Variants in MLF2 observed in about 807,000 individuals in gnomAD.
The protein encoded by MLF2 is myeloid leukemia factor 2.
In MLF2, 12 loss-of-function variants were observed where a neutral mutation model predicts 31.4. The ratio of observed to expected loss-of-function variants is 0.38; its 90% CI spans 0.24 to 0.62. MLF2 has a LOEUF of 0.62. MLF2 is among the 20% of genes least tolerant of loss of function. MLF2 has a pLI of 0.58. For synonymous variants in MLF2, 109 were observed against 118.8 expected, an observed-to-expected ratio of 0.92 and a Z score of 0.54; for missense variants, 272 against 359.7, an observed-to-expected ratio of 0.76 and a Z score of 1.97.
chr12:6,749,063 G>C lies in MLF2; in HGVS notation c.560-81C>G, dbSNP rs1179654322. Reference sequence around the variant, plus strand: ...ATGTGCGAGCGAGCCACAGCTTTTCGGGCCAAAGCGGCGAAGGCTGAGTGT... The same window carrying C: ...ATGTGCGAGCGAGCCACAGCTTTTCCGGCCAAAGCGGCGAAGGCTGAGTGT... On this transcript the variant is annotated intron_variant, in intron 7 of 8. Coordinates refer to ENST00000203630, the MANE Select transcript of MLF2 (RefSeq NM_001382226.1). The surrounding 1 kb of genome is among the most constrained non-coding windows in gnomAD (Gnocchi z 5.3). The C allele has an allele frequency of 1.4e-6, 2 of 1,405,986 alleles. No homozygotes were observed. The highest frequency in any genetic ancestry group is 9.4e-7 in the Non-Finnish European group (1 of 1,063,400). 87.1% of individuals were successfully genotyped at this position (1,405,986 alleles called of 1,614,324 possible). A position where few individuals can be genotyped will look rare whatever the true frequency, so the allele number is the denominator to read the frequency against.
In MLF2 at chr12:6,748,017, T is replaced by C. The variant is rs1008303043; in HGVS notation, c.*556A>G. 1 of 152,272 alleles carries C rather than the reference T, an allele frequency of 6.6e-6. No homozygotes were observed. The highest frequency in any genetic ancestry group is 1.5e-5 in the Non-Finnish European group (1 of 68,068). The allele number at this position is 152,272 out of a possible 1,614,324, so 9.4% of individuals were successfully genotyped here. A position where few individuals can be genotyped will look rare whatever the true frequency, so the allele number is the denominator to read the frequency against. On this transcript the variant is annotated 3_prime_UTR_variant, in exon 9 of 9. Transcript: ENST00000203630. This position sits in a 1 kb window ranked among gnomAD's most constrained non-coding sequence, Gnocchi z 4.6. ...TTGGTCTTTTTTCCATTCTCCTTTATTCCATAAACACCTAGTTACAAGTTG... is the reference window on the plus strand; with the variant it reads ...TTGGTCTTTTTTCCATTCTCCTTTACTCCATAAACACCTAGTTACAAGTTG...
In MLF2 at chr12:6,752,115, C is replaced by T. The variant is rs1345570319; in HGVS notation, c.51-61G>A. 2 of 1,606,756 alleles carry T rather than the reference C, an allele frequency of 1.2e-6. No homozygotes were observed. The highest frequency in any genetic ancestry group is 1.7e-6 in the Non-Finnish European group (2 of 1,175,352). ...GCCAAACTGTCAATCCCTCCACCACCCTGCAAAAAAATACGCACAGAGCAA... is the reference window on the plus strand; with the variant it reads ...GCCAAACTGTCAATCCCTCCACCACTCTGCAAAAAAATACGCACAGAGCAA... On this transcript the variant is annotated intron_variant, in intron 2 of 8. Transcript: ENST00000203630. This position sits in a 1 kb window ranked among gnomAD's most constrained non-coding sequence, Gnocchi z 4.6.
chr12:6,750,082 A>AAG lies in MLF2; in HGVS notation c.400-76_400-75insCT. On this transcript the variant is annotated intron_variant, in intron 6 of 8. Transcript: ENST00000203630. This position sits in a 1 kb window ranked among gnomAD's most constrained non-coding sequence, Gnocchi z 5.3. ...GCCTATACCATCTCAGGATAAACACACCACACACAACCCAATCCGGAAAAA... is the reference window on the plus strand; with the variant it reads ...GCCTATACCATCTCAGGATAAACACAAGCCACACACAACCCAATCCGGAAAAA... The AAG allele has an allele frequency of 1.2e-6, 2 of 1,611,454 alleles. No homozygotes were observed. The highest frequency in any genetic ancestry group is 3.3e-5 in the Admixed American group (2 of 59,938).
intron 4 of MLF2, 25 bp downstream of exon 4, chr12:6,751,616 A>C (rs374751074): frequency 6.8e-6 from 11 of 1,609,808 alleles, no homozygotes; most frequent in Non-Finnish European, 9.4e-6. Context: ...CTGAGATGGA[A>C]GGACACAGGG....
Position 6,752,386 on chromosome 12 carries a change from T to A in MLF2, c.-28-24A>T. 2 of 1,543,404 alleles carry A rather than the reference T, an allele frequency of 1.3e-6. No homozygotes were observed. The highest frequency in any genetic ancestry group is 1.8e-6 in the Non-Finnish European group (2 of 1,139,880). On this transcript the variant is annotated intron_variant, in intron 1 of 8. Transcript: ENST00000203630. The surrounding 1 kb of genome is among the most constrained non-coding windows in gnomAD (Gnocchi z 4.6). ...CACTGGAAAGATATGGAAGCTCAGA[T>A]ACTTGGAGGTGGCCAGGGTTTTGCA...
At position 6,749,723 on chromosome 12, in the gene MLF2, C is replaced by CAA. The variant is rs750197073; in HGVS notation, c.559+123_559+124dup. 0.018 allele frequency: 19,139 copies of CAA among 1,070,108 alleles called. 118 individuals carry two copies. The highest frequency in any genetic ancestry group is 0.072 in the African/African-American group (3,792 of 52,574). The allele number at this position is 1,070,108 out of a possible 1,614,324, so 66.3% of individuals were successfully genotyped here. A position where few individuals can be genotyped will look rare whatever the true frequency, so the allele number is the denominator to read the frequency against. On this transcript the variant is annotated intron_variant, in intron 7 of 8. Coordinates refer to ENST00000203630, the MANE Select transcript of MLF2 (RefSeq NM_001382226.1). The surrounding 1 kb of genome is among the most constrained non-coding windows in gnomAD (Gnocchi z 5.3). ...GGGCAACAAGAGCGAGACTCCATCT[C>CAA]AAAAAAAAAAAAAAAGGAATATGGG...
chr12:6,751,802 AC>A, intron 3 of MLF2, 122 bp downstream of exon 3: 1 of 1,567,428 alleles, frequency 6.4e-7, no homozygotes, highest in Non-Finnish European at 8.8e-7. Flanking sequence ...CTTTTTCCTG[AC>A]CCTTTCCCCA....
In MLF2 at chr12:6,750,930, A is replaced by G. The variant is rs2137781901; in HGVS notation, c.217-164T>C. Reference sequence around the variant, plus strand: ...TTCTGTTAAAATAACCAGAATACTCATATTTCTCCTCCTGTGAACTGCTGA... The same window carrying G: ...TTCTGTTAAAATAACCAGAATACTCGTATTTCTCCTCCTGTGAACTGCTGA... On this transcript the variant is annotated intron_variant, in intron 4 of 8. Coordinates refer to ENST00000203630, the MANE Select transcript of MLF2 (RefSeq NM_001382226.1). This position sits in a 1 kb window ranked among gnomAD's most constrained non-coding sequence, Gnocchi z 5.3. 1.5e-6 allele frequency: 1 copy of G among 654,744 alleles called. No individual in the cohort carries two copies. The highest frequency in any genetic ancestry group is 2.8e-5 in the East Asian group (1 of 35,174). The allele number at this position is 654,744 out of a possible 1,614,324, so 40.6% of individuals were successfully genotyped here. A position where few individuals can be genotyped will look rare whatever the true frequency, so the allele number is the denominator to read the frequency against.
Position 6,752,186 on chromosome 12 carries a change from CA to C in MLF2, c.50+98del. Reference sequence around the variant, plus strand: ...TCCTGCTAGGTAGGAGCTAGGTATCCAGCCAGTTCCAACCATTCCTAGCAAT... The same window carrying C: ...TCCTGCTAGGTAGGAGCTAGGTATCCGCCAGTTCCAACCATTCCTAGCAAT... On this transcript the variant is annotated intron_variant, in intron 2 of 8. Coordinates refer to ENST00000203630, the MANE Select transcript of MLF2 (RefSeq NM_001382226.1). The surrounding 1 kb of genome is among the most constrained non-coding windows in gnomAD (Gnocchi z 4.6). 6.5e-7 allele frequency: 1 copy of C among 1,536,442 alleles called. No homozygotes were observed. The highest frequency in any genetic ancestry group is 2.4e-5 in the East Asian group (1 of 41,618).
rs907605852 is a variant in MLF2 at position 6,752,628 on chromosome 12, T to C, written c.-28-266A>G. On this transcript the variant is annotated intron_variant, in intron 1 of 8. Coordinates refer to ENST00000203630, the MANE Select transcript of MLF2 (RefSeq NM_001382226.1). The surrounding 1 kb of genome is among the most constrained non-coding windows in gnomAD (Gnocchi z 4.6). ...CAGAGCCATCCTCTTCCCAAAGCTC[T>C]GGCCGGTAGCATACTCTCCCCTCCT... The C allele has an allele frequency of 5.5e-6, 2 of 361,588 alleles. No homozygotes were observed. The highest frequency in any genetic ancestry group is 1.0e-5 in the Non-Finnish European group (2 of 194,650). The allele number at this position is 361,588 out of a possible 1,614,324, so 22.4% of individuals were successfully genotyped here.
At position 6,750,435 on chromosome 12, in the gene MLF2, C is replaced by A. The variant is rs1158681378; in HGVS notation, c.271-130G>T. The A allele has an allele frequency of 6.2e-6, 8 of 1,282,238 alleles. No individual in the cohort carries two copies. The highest frequency in any genetic ancestry group is 8.6e-6 in the Non-Finnish European group (8 of 933,556). 79.4% of individuals were successfully genotyped at this position (1,282,238 alleles called of 1,614,324 possible). ...ATGCAAGAACTGAAAAAACATCAGGCCTCATCATTACCCTCCCAAATTCCT... is the reference window on the plus strand; with the variant it reads ...ATGCAAGAACTGAAAAAACATCAGGACTCATCATTACCCTCCCAAATTCCT... On this transcript the variant is annotated intron_variant, in intron 5 of 8. Transcript: ENST00000203630. This position sits in a 1 kb window ranked among gnomAD's most constrained non-coding sequence, Gnocchi z 5.3.
rs1057161174 is a variant in MLF2, at chr12:6,752,278, T to C, written c.50+7A>G. The C allele has an allele frequency of 2.9e-5, 45 of 1,560,354 alleles. No individual in the cohort carries two copies. Among genetic ancestry groups the C allele is most frequent in the African/African-American group, 5.4e-5 (4 of 73,490 alleles). The stretch of plus-strand genomic sequence containing the variant: ...GTGGGAGAGCTTGAGGGGGAGGGAA[T>C]ACTCACATCAGGAACATGGGATCCT... On this transcript the variant is annotated splice_region_variant and intron_variant, in intron 2 of 8. Coordinates refer to ENST00000203630, the MANE Select transcript of MLF2 (RefSeq NM_001382226.1). This position sits in a 1 kb window ranked among gnomAD's most constrained non-coding sequence, Gnocchi z 4.6.
chr12:6,752,557 G>T lies in MLF2; in HGVS notation c.-28-195C>A. The T allele has an allele frequency of 2.0e-6, 1 of 509,532 alleles. No individual in the cohort carries two copies. Among genetic ancestry groups the T allele is most frequent in the Non-Finnish European group, 3.5e-6 (1 of 287,368 alleles). The allele number at this position is 509,532 out of a possible 1,614,324, so 31.6% of individuals were successfully genotyped here. A position where few individuals can be genotyped will look rare whatever the true frequency, so the allele number is the denominator to read the frequency against. ...TCTTCAAACCTCTTTCTCAATTAGG[G>T]CCATGGAAAATTTTTCCAACCCTCT... On this transcript the variant is annotated intron_variant, in intron 1 of 8. Coordinates refer to ENST00000203630, the MANE Select transcript of MLF2 (RefSeq NM_001382226.1). This position sits in a 1 kb window ranked among gnomAD's most constrained non-coding sequence, Gnocchi z 4.6.
At position 6,752,263 on chromosome 12, in the gene MLF2, T is replaced by C. The variant is rs1941627892; in HGVS notation, c.50+22A>G. The C allele has an allele frequency of 6.4e-7, 1 of 1,558,706 alleles. No individual in the cohort carries two copies. The highest frequency in any genetic ancestry group is 8.7e-7 in the Non-Finnish European group (1 of 1,150,422). ...GCTCAGAGACCTGGAGTGGGAGAGC[T>C]TGAGGGGGAGGGAATACTCACATCA... On this transcript the variant is annotated intron_variant, in intron 2 of 8. Coordinates refer to ENST00000203630, the MANE Select transcript of MLF2 (RefSeq NM_001382226.1). The surrounding 1 kb of genome is among the most constrained non-coding windows in gnomAD (Gnocchi z 4.6).
rs770478749 is a variant in MLF2 at position 6,752,025 on chromosome 12, A to G, written c.80T>C (p.Met27Thr). 8.7e-6 allele frequency: 14 copies of G among 1,614,044 alleles called. No individual in the cohort carries two copies. The highest frequency in any genetic ancestry group is 7.7e-5 in the South Asian group (7 of 91,086). The change falls in exon 3 of 9, where the codon ATG becomes ACG. Residue 27 changes from methionine (M) to threonine (T), a missense_variant. Transcript: ENST00000203630. This position sits in a 1 kb window ranked among gnomAD's most constrained non-coding sequence, Gnocchi z 4.6. ...MDPFAIHRQH[M>T]SRMLSGGFGY... ...AAAGCCACCTGACAACATACGGCTC[A>G]TATGCTGACGGTGAATAGCAAAGGG...
Position 6,752,233 on chromosome 12 carries a change from G to T in MLF2, c.50+52C>A, listed in dbSNP as rs1941627370. The T allele has an allele frequency of 5.2e-6, 8 of 1,551,058 alleles. No individual in the cohort carries two copies. The South Asian group carries it at 9.5e-5, about 18-fold the overall frequency. On this transcript the variant is annotated intron_variant, in intron 2 of 8. Coordinates refer to ENST00000203630, the MANE Select transcript of MLF2 (RefSeq NM_001382226.1). This position sits in a 1 kb window ranked among gnomAD's most constrained non-coding sequence, Gnocchi z 4.6. The stretch of plus-strand genomic sequence containing the variant: ...GCAATGGGAACCCCGATGTCTGCCT[G>T]AACTGCTCAGAGACCTGGAGTGGGA...
Position 6,751,924 on chromosome 12 carries a change from C to CCTG in MLF2, c.178_180dup (p.Gln60dup). 6.2e-7 allele frequency: 1 copy of CCTG among 1,614,174 alleles called. No individual in the cohort carries two copies. The highest frequency in any genetic ancestry group is 8.5e-7 in the Non-Finnish European group (1 of 1,180,008). On this transcript the variant is annotated inframe_insertion and splice_region_variant. Transcript: ENST00000203630. ...TCTCAGGTGTGTCTCAGCATCATTA[C>CCTG]CTGCTGCATCCGGCGGCTGGCAGGC...
intron 4 of MLF2, among the ~76,000 whole-genome samples, 198 bp downstream of exon 4, chr12:6,751,443 C>T (rs1181791273): frequency 2.0e-5 from 3 of 152,114 alleles, no homozygotes; most frequent in Non-Finnish European, 2.9e-5. Context: ...TCACCCATCT[C>T]GGCCTCCCAA....
At position 6,750,180 on chromosome 12, in the gene MLF2, G is replaced by A. The variant is rs763065504; in HGVS notation, c.396C>T (p.Gly132=). The A allele has an allele frequency of 6.8e-6, 11 of 1,614,166 alleles. No homozygotes were observed. The highest frequency in any genetic ancestry group is 1.7e-5 in the Admixed American group (1 of 60,014). ...ACAGGAGGGCTCCCCAACTCACCCC[G>A]CCTGGTGCCGAGCGCATCTCTGATG... The part of the protein sequence containing the change: ...QETSEMRSAP[G]GIRETRRTVR... Residue 132 remains glycine (G), a synonymous_variant, in exon 6 of 9, where the codon GGC becomes GGT. Transcript: ENST00000203630. The surrounding 1 kb of genome is among the most constrained non-coding windows in gnomAD (Gnocchi z 5.3).
Sources: allele counts gnomAD v4.1 joint callset (sites outside exome capture counted in the v4.1 genomes callset), GRCh38; gene constraint gnomAD v4.1.1; non-coding constraint Gnocchi (gnomAD v3.1); transcripts MANE v1.5; gene names NCBI Gene and HGNC (gene_info 2026-07-23, HGNC 2026-07-21).